DOCK3: variants seen among roughly 807,000 people sequenced by gnomAD.
DOCK3 encodes the protein dedicator of cytokinesis protein 3.
In DOCK3, 60 loss-of-function variants were observed where a neutral mutation model predicts 265.6. That is an observed-to-expected ratio of 0.23 (90% confidence interval 0.18 to 0.28). DOCK3 has a LOEUF of 0.28. Ranked by LOEUF, DOCK3 falls within the 10% of genes least tolerant of loss-of-function variation. The pLI, the probability that DOCK3 is intolerant of heterozygous loss-of-function variation, is 1.00. For synonymous variants in DOCK3, 881 were observed against 938.0 expected (o/e 0.94, Z 1.11); for missense variants, 1,981 against 2,594.3 (o/e 0.76, Z 5.14).
chr3:50,982,384 T>G (rs1253083858), intron 5 of DOCK3, among the ~76,000 whole-genome samples: 1 of 152,182 alleles, frequency 6.6e-6, no homozygotes, highest in Admixed American at 6.5e-5. Context: ...TCTGTAGTAA[T>G]GATGGCAGTG....
chr3:50,928,899 T>G (rs1227040415), intron 4 of DOCK3, among the ~76,000 whole-genome samples: 1 of 152,208 alleles, frequency 6.6e-6, no homozygotes, highest in Non-Finnish European at 1.5e-5. Context: ...GTCAGTACAG[T>G]GTTCAACAAG....
chr3:51,355,135 T>C (rs1374578556), intron 41 of DOCK3, 112 bp downstream of exon 41: 9 of 1,414,656 alleles, frequency 6.4e-6, no homozygotes, highest in Non-Finnish European at 7.5e-6. Context: ...AGATATCCCA[T>C]AGTCCTAAAC....
intron 1 of DOCK3, among the ~76,000 whole-genome samples, chr3:50,769,827 A>G (rs1025796903): frequency 6.6e-6 from 1 of 151,904 alleles, no homozygotes; most frequent in Non-Finnish European, 1.5e-5. Flanking sequence ...AAAAAAAAAA[A>G]AAAAAGTTTT....
intron 1 of DOCK3, among the ~76,000 whole-genome samples, chr3:50,719,116 A>G (rs1576220949): frequency 6.6e-6 from 1 of 151,836 alleles, no homozygotes; most frequent in South Asian, 2.1e-4. Context: ...TTTGGGGAAA[A>G]TATCAGTCAT....
intron 5 of DOCK3, among the ~76,000 whole-genome samples, chr3:50,975,898 C>T (rs2077431987): frequency 6.7e-6 from 1 of 150,004 alleles, no homozygotes; most frequent in South Asian, 2.2e-4. Context: ...GGAATTTATC[C>T]ATTTCTTCTA....
intron 1 of DOCK3, among the ~76,000 whole-genome samples, chr3:50,747,864 A>G (rs1351012310): frequency 1.5e-5 from 1 of 67,306 alleles, no homozygotes; most frequent in East Asian, 2.9e-4. Flanking sequence ...ACTCTGTCTG[A>G]AAAAAAAAAG....
chr3:50,795,615 C>T (rs531676260), intron 2 of DOCK3, among the ~76,000 whole-genome samples: 15 of 152,144 alleles, frequency 9.9e-5, no homozygotes, highest in Admixed American at 2.0e-4. Context: ...CTCTTGACTT[C>T]GTGATCTGCC....
At chr3:51,283,557 G>A (rs2081250571) in intron 27 of DOCK3, among the ~76,000 whole-genome samples, 1 of 152,208 alleles carries the variant, frequency 6.6e-6, no homozygotes, top group Non-Finnish European at 1.5e-5. Context: ...CAGTGGACAT[G>A]TGGCAGTCTG....
intron 5 of DOCK3, among the ~76,000 whole-genome samples, chr3:50,957,112 T>C (rs1012518759): frequency 6.6e-6 from 1 of 152,234 alleles, no homozygotes; most frequent in East Asian, 1.9e-4. Context: ...ATCTGGTCAA[T>C]GCTAAGTCAT....
chr3:51,365,052 G>C (rs911006206), intron 49 of DOCK3, among the ~76,000 whole-genome samples: 7 of 152,176 alleles, frequency 4.6e-5, no homozygotes, highest in African/African-American at 1.4e-4. Context: ...GGATGGCATT[G>C]AATCTATAAA....
At chr3:51,296,357 T>A (rs1272099491) in intron 27 of DOCK3, among the ~76,000 whole-genome samples, 1 of 152,144 alleles carries the variant, frequency 6.6e-6, no homozygotes, top group African/African-American at 2.4e-5. Context: ...ATTGAAAGAT[T>A]CACAGTTCCC....
At chr3:50,776,118 T>C (rs2041581730) in intron 1 of DOCK3, among the ~76,000 whole-genome samples, 1 of 152,322 alleles carries the variant, frequency 6.6e-6, no homozygotes, top group African/African-American at 2.4e-5. Context: ...GTGGGATTGC[T>C]GGATCGAATG....
At chr3:51,259,699 A>G (rs140780667) in intron 22 of DOCK3, among the ~76,000 whole-genome samples, 1 of 152,304 alleles carries the variant, frequency 6.6e-6, no homozygotes, top group African/African-American at 2.4e-5. Context: ...GCTATATCTT[A>G]AAGATGTAGG....
chr3:51,379,481 G>C, intron 51 of DOCK3: 1 of 985,432 alleles, frequency 1.0e-6, no homozygotes, highest in Non-Finnish European at 1.2e-6. Context: ...CTGGAGTCTG[G>C]ATAGCGGAGC....
intron 1 of DOCK3, among the ~76,000 whole-genome samples, chr3:50,743,081 C>G (rs1360525336): frequency 6.6e-6 from 1 of 151,836 alleles, no homozygotes; most frequent in Non-Finnish European, 1.5e-5. Flanking sequence ...AATTTCATAT[C>G]CAGCCAAACT....
chr3:50,857,855 T>C (rs1045571210), intron 3 of DOCK3, among the ~76,000 whole-genome samples: 1 of 152,228 alleles, frequency 6.6e-6, no homozygotes, highest in Non-Finnish European at 1.5e-5. Context: ...TCAACCATTG[T>C]GGAAGACAGT....
intron 22 of DOCK3, among the ~76,000 whole-genome samples, chr3:51,252,708 A>AT (rs1466148799): frequency 6.6e-6 from 1 of 151,614 alleles, no homozygotes; most frequent in Non-Finnish European, 1.5e-5. Context: ...TTGCACATTG[A>AT]TTTTGTATCC....
intron 2 of DOCK3, among the ~76,000 whole-genome samples, chr3:50,821,602 C>T (rs552636272): frequency 1.3e-5 from 2 of 152,140 alleles, no homozygotes; most frequent in African/African-American, 2.4e-5. Flanking sequence ...GCCTGGCCGC[C>T]TTCTAAGATT....
At chr3:50,794,058 G>C (rs541056886) in intron 2 of DOCK3, among the ~76,000 whole-genome samples, 69 of 152,208 alleles carry the variant, frequency 4.5e-4, no homozygotes, top group Non-Finnish European at 7.6e-4. Flanking sequence ...GAATTTCCTG[G>C]TGTTGATTTT....
Sources: gnomAD v4.1 joint callset for allele counts (sites outside exome capture counted in the v4.1 genomes callset) on GRCh38, gnomAD v4.1.1 for gene constraint, MANE v1.5 for transcripts, NCBI Gene and HGNC (gene_info 2026-07-23, HGNC 2026-07-21) for gene names.